The following AKNAD1 variants were observed in gnomAD, a reference collection of about 807,000 sequenced individuals.
AKNAD1 encodes the protein AKNA domain containing 1, also known as protein AKNAD1.
In AKNAD1, 67 loss-of-function variants were observed where a neutral mutation model predicts 90.8. The observed-to-expected ratio is 0.74, with a 90% confidence interval of 0.61 to 0.90. The LOEUF is 0.90. Ranked by LOEUF, AKNAD1 falls within the 40% of genes least tolerant of loss-of-function variation. The probability of loss-of-function intolerance (pLI) is 0.00; values close to 1 mark genes in which losing one functional copy is unlikely to be tolerated. For missense variants in AKNAD1, 957 were observed against 975.4 expected, an observed-to-expected ratio of 0.98 and a Z score of 0.25; for synonymous variants, 327 against 341.4, an observed-to-expected ratio of 0.96 and a Z score of 0.46.
intron 6 of AKNAD1, among the ~76,000 whole-genome samples, 159 bp downstream of exon 6, chr1:108,842,975 G>C (rs1444335772): frequency 2.0e-5 from 3 of 152,144 alleles, no homozygotes; most frequent in Non-Finnish European, 2.9e-5. Flanking sequence ...CCTCCATGCT[G>C]TCTGTGGTAT....
intron 11 of AKNAD1, among the ~76,000 whole-genome samples, chr1:108,825,880 A>T (rs1304480428): frequency 6.6e-6 from 1 of 151,814 alleles, no homozygotes; most frequent in Admixed American, 6.6e-5. Context: ...ACTATTTCTA[A>T]AAAATTTAGT....
chr1:108,852,464 T>C lies in AKNAD1; in HGVS notation c.201A>G (p.Thr67=). Residue 67 remains threonine, a synonymous_variant, in exon 2 of 16, where the codon ACA becomes ACG. Coordinates refer to ENST00000370001, the MANE Select transcript of AKNAD1 (RefSeq NM_152763.5). ...TTTTACCCAGGGGTATGGTCACAGC[T>C]GTATTTCCACAAGTCTCACTATGCA... The part of the protein sequence containing the change: ...KAMHSETCGN[T]AVTIPLGKIT... 1 of 1,613,740 alleles carries C rather than the reference T, an allele frequency of 6.2e-7. No homozygotes were observed. The highest frequency in any genetic ancestry group is 1.1e-5 in the South Asian group (1 of 91,052).
intron 11 of AKNAD1, among the ~76,000 whole-genome samples, chr1:108,824,478 T>C (rs1244907241): frequency 6.6e-6 from 1 of 151,374 alleles, no homozygotes; most frequent in Non-Finnish European, 1.5e-5. Context: ...ATACAATATA[T>C]AGTAACTTCA....
intron 9 of AKNAD1, among the ~76,000 whole-genome samples, chr1:108,832,609 A>T (rs573555619): frequency 6.6e-6 from 1 of 152,308 alleles, no homozygotes; most frequent in South Asian, 2.1e-4. Flanking sequence ...AACAATGAAC[A>T]TTATTTGCCC....
At chr1:108,826,804 A>T (rs986001063) in intron 11 of AKNAD1, among the ~76,000 whole-genome samples, 4 of 140,462 alleles carry the variant, frequency 2.8e-5, no homozygotes, top group Non-Finnish European at 6.0e-5. Context: ...CGGTGGCATG[A>T]TCATGGCTCA....
intron 11 of AKNAD1, among the ~76,000 whole-genome samples, chr1:108,825,361 G>T (rs1289251136): frequency 6.6e-6 from 1 of 151,538 alleles, no homozygotes; most frequent in African/African-American, 2.4e-5. Flanking sequence ...CTCACTCTTT[G>T]GTCCTGTCAA....
In AKNAD1 at chr1:108,827,381, G is replaced by A. The variant is rs1262484539; in HGVS notation, c.1839-79C>T. On this transcript the variant is annotated intron_variant, in intron 10 of 15. Coordinates refer to ENST00000370001, the MANE Select transcript of AKNAD1 (RefSeq NM_152763.5). ...GGGAAAGTTTTGGTAAAGTTGAAACGTTAAATTTTGTTATATTAGAGCCTG... is the reference window on the plus strand; with the variant it reads ...GGGAAAGTTTTGGTAAAGTTGAAACATTAAATTTTGTTATATTAGAGCCTG... 4.2e-5 allele frequency: 44 copies of A among 1,039,498 alleles called. 1 individual carries two copies. Among genetic ancestry groups the A allele is most frequent in the South Asian group, 1.3e-5 (1 of 76,078 alleles). The allele number at this position is 1,039,498 out of a possible 1,614,324, so 64.4% of individuals were successfully genotyped here.
At chr1:108,854,251 G>T (rs1475045888) in intron 1 of AKNAD1, among the ~76,000 whole-genome samples, 1 of 152,124 alleles carries the variant, frequency 6.6e-6, no homozygotes, top group Non-Finnish European at 1.5e-5. Context: ...TGAACTTTTG[G>T]GATGATTCCT....
At chr1:108,836,052 T>C (rs1207462363) in intron 7 of AKNAD1, among the ~76,000 whole-genome samples, 6 of 152,138 alleles carry the variant, frequency 3.9e-5, no homozygotes, top group African/African-American at 7.2e-5. Flanking sequence ...TACTGCTGAG[T>C]GAATGAAGGA....
intron 7 of AKNAD1, among the ~76,000 whole-genome samples, chr1:108,836,547 C>T (rs1481235334): frequency 6.6e-6 from 1 of 152,106 alleles, no homozygotes; most frequent in Non-Finnish European, 1.5e-5. Context: ...TAGAGCTGGG[C>T]CTTGAATGAG....
intron 10 of AKNAD1, among the ~76,000 whole-genome samples, chr1:108,827,768 C>G (rs7517916): frequency 0.32 from 47,067 of 145,592 alleles, 8,336 homozygotes; most frequent in Non-Finnish European, 0.34. Flanking sequence ...GAGCCGAGAT[C>G]GCGCCACTGC....
chr1:108,852,757 T>C lies in AKNAD1; in HGVS notation c.-93A>G. The stretch of plus-strand genomic sequence containing the variant: ...TCTGGTTCTCACTGACTGTCTTCAC[T>C]GTGTGCTATTCTGTGTGAAATGAGA... On this transcript the variant is annotated 5_prime_UTR_variant, in exon 2 of 16. Transcript: ENST00000370001. The C allele has an allele frequency of 1.6e-6, 2 of 1,229,602 alleles. No homozygotes were observed. Among genetic ancestry groups the C allele is most frequent in the South Asian group, 3.1e-5 (2 of 64,558 alleles). The allele number at this position is 1,229,602 out of a possible 1,614,324, so 76.2% of individuals were successfully genotyped here.
intron 6 of AKNAD1, among the ~76,000 whole-genome samples, chr1:108,839,158 A>G (rs565265593): frequency 5.1e-4 from 77 of 152,326 alleles, no homozygotes; most frequent in Non-Finnish European, 6.3e-4. Context: ...TAAGCAACAG[A>G]TAAGTCCTAT....
chr1:108,831,564 T>TTA (rs1273761082), intron 9 of AKNAD1, among the ~76,000 whole-genome samples: 2 of 152,186 alleles, frequency 1.3e-5, no homozygotes, highest in African/African-American at 4.8e-5. Context: ...ACCTTTTGTG[T>TTA]TAATTTGCAT....
chr1:108,821,004 T>C (rs985379512), intron 13 of AKNAD1, among the ~76,000 whole-genome samples: 1 of 152,198 alleles, frequency 6.6e-6, no homozygotes, highest in African/African-American at 2.4e-5. Context: ...GGAGGTTCAC[T>C]AGAGCCCAGA....
rs558657214 is a variant in AKNAD1, at chr1:108,852,280, C to A, written c.385G>T (p.Asp129Tyr). The A allele has an allele frequency of 4.3e-6, 7 of 1,614,144 alleles. No individual in the cohort carries two copies. In the East Asian group the frequency reaches 1.3e-4, roughly 31 times the overall value. ...KEPFLRGQGIDCETLPEISNA... is the reference protein window; with the variant it reads ...KEPFLRGQGIYCETLPEISNA... The stretch of plus-strand genomic sequence containing the variant: ...GAGATCTCTGGGAGGGTTTCACAAT[C>A]AATGCCTTGACCTCTTAAGAATGGC... The change falls in exon 2 of 16, where the codon GAT becomes TAT. Residue 129 changes from aspartate to tyrosine, a missense_variant. Asp to Tyr is a radical substitution (Grantham distance 160). Transcript: ENST00000370001.
Position 108,852,545 on chromosome 1 carries a change from G to C in AKNAD1, c.120C>G (p.Gly40=), listed in dbSNP as rs369040439. 1.2e-6 allele frequency: 2 copies of C among 1,614,058 alleles called. No individual in the cohort carries two copies. Among genetic ancestry groups the C allele is most frequent in the Non-Finnish European group, 1.7e-6 (2 of 1,180,016 alleles). The change falls in exon 2 of 16, where the codon GGC becomes GGG. Residue 40 remains glycine, a synonymous_variant. Transcript: ENST00000370001. ...NDYSFTSKKD[G]LEVLNQIIFI... ...AAATAATTTGATTTAAGACTTCAAG[G>C]CCATCCTTTTTTGAGGTAAAACTGT...
Position 108,852,710 on chromosome 1 carries a change from T to A in AKNAD1, c.-46A>T. ...CTCGTCCTCTGCCTCCTGAGCTGGCTGCTGTCAGTTGTAACAATAGCTCTG... is the reference window on the plus strand; with the variant it reads ...CTCGTCCTCTGCCTCCTGAGCTGGCAGCTGTCAGTTGTAACAATAGCTCTG... On this transcript the variant is annotated 5_prime_UTR_variant, in exon 2 of 16. Coordinates refer to ENST00000370001, the MANE Select transcript of AKNAD1 (RefSeq NM_152763.5). 10 of 1,517,812 alleles carry A rather than the reference T, an allele frequency of 6.6e-6. No individual in the cohort carries two copies. In the Middle Eastern group the frequency reaches 1.6e-3, roughly 242 times the overall value. 94.0% of individuals were successfully genotyped at this position (1,517,812 alleles called of 1,614,324 possible).
At position 108,820,753 on chromosome 1, in the gene AKNAD1, T is replaced by C. The variant is rs946159634; in HGVS notation, c.2168-127A>G. Reference sequence around the variant, plus strand: ...ATAAAATTTTAATAAATCAGAAAACTGGGAAACATAGACAACAAAGAACTT... The same window carrying C: ...ATAAAATTTTAATAAATCAGAAAACCGGGAAACATAGACAACAAAGAACTT... On this transcript the variant is annotated intron_variant, in intron 13 of 15. Coordinates refer to ENST00000370001, the MANE Select transcript of AKNAD1 (RefSeq NM_152763.5). 4 of 594,758 alleles carry C rather than the reference T, an allele frequency of 6.7e-6. No individual in the cohort carries two copies. The African/African-American group carries it at 7.5e-5, about 11-fold the overall frequency. 36.8% of individuals were successfully genotyped at this position (594,758 alleles called of 1,614,324 possible). A position where few individuals can be genotyped will look rare whatever the true frequency, so the allele number is the denominator to read the frequency against.
Sources: allele counts gnomAD v4.1 joint callset (sites outside exome capture counted in the v4.1 genomes callset), GRCh38; gene constraint gnomAD v4.1.1; transcripts MANE v1.5; gene names NCBI Gene and HGNC (gene_info 2026-07-23, HGNC 2026-07-21).